The following SGCZ variants were observed in gnomAD, a reference collection of about 807,000 sequenced individuals.
SGCZ encodes the protein sarcoglycan zeta, also known as zeta-sarcoglycan.
A neutral mutation model predicts 41.3 loss-of-function variants in SGCZ; 40 were observed. That is an observed-to-expected ratio of 0.97 (90% CI 0.75 to 1.26). The LOEUF is 1.26. Ranked by LOEUF, SGCZ falls within the 50% of genes most tolerant of loss-of-function variation. SGCZ has a pLI of 0.00. For missense variants in SGCZ, 552 were observed against 369.8 expected (o/e 1.49, Z -4.04); for synonymous variants, 206 against 137.5 (o/e 1.50, Z -3.49).
At chr8:15,146,951 C>T (rs932817588) in intron 1 of SGCZ, among the ~76,000 whole-genome samples, 1 of 152,060 alleles carries the variant, frequency 6.6e-6, no homozygotes, top group Admixed American at 6.6e-5. Context: ...CAGATGCCCA[C>T]AAAAGTAAAA....
At chr8:14,544,482 C>T (rs926137765) in intron 2 of SGCZ, among the ~76,000 whole-genome samples, 9 of 151,992 alleles carry the variant, frequency 5.9e-5, no homozygotes, top group African/African-American at 1.7e-4. Flanking sequence ...TATAAACGGA[C>T]GTGCAAGTAG....
At chr8:14,455,758 C>T (rs1800725248) in intron 2 of SGCZ, among the ~76,000 whole-genome samples, 1 of 152,084 alleles carries the variant, frequency 6.6e-6, no homozygotes, top group African/African-American at 2.4e-5. Flanking sequence ...CAAAAGAGTT[C>T]TTGGCAGTGT....
chr8:15,194,572 G>A (rs1800658207), intron 1 of SGCZ, among the ~76,000 whole-genome samples: 2 of 152,090 alleles, frequency 1.3e-5, no homozygotes, highest in African/African-American at 2.4e-5. Flanking sequence ...ATGGAATCAC[G>A]AGGGTTCTAA....
At position 14,942,127 on chromosome 8, in the gene SGCZ, G is replaced by T. The variant is rs929394279; in HGVS notation, c.39+295458C>A. Among the ~76,000 whole-genome samples the T allele has an allele frequency of 4.3e-4, 66 of 151,952 alleles. 1 individual carries two copies. Among genetic ancestry groups the T allele is most frequent in the Non-Finnish European group, 1.2e-4 (8 of 67,998 alleles). Reference sequence around the variant, plus strand: ...GTTTCCCTAGATACCTCTTAGACTAGTATGCATTGTCTGGGTCCAGGATCT... The same window carrying T: ...GTTTCCCTAGATACCTCTTAGACTATTATGCATTGTCTGGGTCCAGGATCT... On this transcript the variant is annotated intron_variant, in intron 1 of 7. Coordinates refer to ENST00000382080, the MANE Select transcript of SGCZ (RefSeq NM_139167.4).
chr8:14,231,688 C>A (rs1178295047), intron 4 of SGCZ, among the ~76,000 whole-genome samples: 1 of 152,042 alleles, frequency 6.6e-6, no homozygotes, highest in East Asian at 1.9e-4. Flanking sequence ...CAGAGGATTA[C>A]TAGGCTCAAT....
chr8:14,391,206 A>G (rs1057445207), intron 2 of SGCZ, among the ~76,000 whole-genome samples: 2 of 152,186 alleles, frequency 1.3e-5, no homozygotes, highest in Non-Finnish European at 2.9e-5. Flanking sequence ...CTGGCCAAAC[A>G]AAATGATCTT....
intron 2 of SGCZ, among the ~76,000 whole-genome samples, chr8:14,385,213 G>A (rs113159721): frequency 2.0e-4 from 30 of 152,190 alleles, no homozygotes; most frequent in East Asian, 1.4e-3. Flanking sequence ...AGAGAGATGC[G>A]CACAGGTGGA....
At chr8:15,156,912 T>G (rs576459335) in intron 1 of SGCZ, among the ~76,000 whole-genome samples, 1 of 139,516 alleles carries the variant, frequency 7.2e-6, no homozygotes, top group Admixed American at 7.6e-5. Context: ...AGCATCGCAC[T>G]CCGCCTGGGC....
intron 3 of SGCZ, among the ~76,000 whole-genome samples, chr8:14,263,838 G>A (rs1054571300): frequency 1.3e-5 from 2 of 152,170 alleles, no homozygotes; most frequent in Admixed American, 6.5e-5. Flanking sequence ...ACTCCAAGAA[G>A]CACAACTCAG....
intron 1 of SGCZ, among the ~76,000 whole-genome samples, chr8:14,847,829 T>C (rs899841633): frequency 6.9e-6 from 1 of 144,994 alleles, no homozygotes; most frequent in Non-Finnish European, 1.5e-5. Context: ...TTCTCTCTAA[T>C]ATCACAAGTA....
At chr8:15,180,670 G>A (rs530381489) in intron 1 of SGCZ, among the ~76,000 whole-genome samples, 21 of 152,052 alleles carry the variant, frequency 1.4e-4, no homozygotes, top group Non-Finnish European at 2.8e-4. Context: ...CGGATCATGA[G>A]GTCAAGAGTT....
At chr8:14,178,493 A>G (rs1804621872) in intron 4 of SGCZ, among the ~76,000 whole-genome samples, 1 of 152,210 alleles carries the variant, frequency 6.6e-6, no homozygotes, top group African/African-American at 2.4e-5. Flanking sequence ...TTATAAAATA[A>G]TGAGTTTATG....
intron 1 of SGCZ, among the ~76,000 whole-genome samples, chr8:14,608,717 T>A (rs1475298812): frequency 1.4e-5 from 2 of 148,132 alleles, no homozygotes; most frequent in Non-Finnish European, 3.0e-5. Flanking sequence ...GTATGGGGGA[T>A]CCACCCCCAC....
chr8:14,376,943 G>C (rs936623057), intron 2 of SGCZ, among the ~76,000 whole-genome samples: 13 of 152,108 alleles, frequency 8.5e-5, no homozygotes, highest in Admixed American at 2.0e-4. Flanking sequence ...TTTGTTCCTA[G>C]TTTCTAACAC....
intron 1 of SGCZ, among the ~76,000 whole-genome samples, chr8:15,106,170 T>C (rs1806817519): frequency 6.6e-6 from 1 of 152,120 alleles, no homozygotes; most frequent in Non-Finnish European, 1.5e-5. Context: ...ACATGAACAT[T>C]AGTAGCATCT....
At chr8:14,595,965 T>C (rs1450129423) in intron 1 of SGCZ, among the ~76,000 whole-genome samples, 1 of 152,052 alleles carries the variant, frequency 6.6e-6, no homozygotes, top group African/African-American at 2.4e-5. Flanking sequence ...GGATGGAAAA[T>C]GCATGTTTAA....
intron 1 of SGCZ, among the ~76,000 whole-genome samples, chr8:14,652,021 G>A (rs879637302): frequency 5.3e-5 from 8 of 151,940 alleles, no homozygotes; most frequent in African/African-American, 1.2e-4. Context: ...GGAAGTCACC[G>A]AAATTCTCTG....
At chr8:14,967,260 A>G (rs1326606775) in intron 1 of SGCZ, among the ~76,000 whole-genome samples, 1 of 152,188 alleles carries the variant, frequency 6.6e-6, no homozygotes, top group African/African-American at 2.4e-5. Context: ...TGGAAAGTCT[A>G]ATAAACATTA....
At chr8:15,232,420 A>G (rs1385647085) in intron 1 of SGCZ, among the ~76,000 whole-genome samples, 2 of 152,152 alleles carry the variant, frequency 1.3e-5, no homozygotes, top group Non-Finnish European at 2.9e-5. Flanking sequence ...ACATATGCTA[A>G]GTAATGACAG....
Sources: allele counts gnomAD v4.1 joint callset (sites outside exome capture counted in the v4.1 genomes callset), GRCh38; gene constraint gnomAD v4.1.1; transcripts MANE v1.5; gene names NCBI Gene and HGNC (gene_info 2026-07-23, HGNC 2026-07-21).